AUTS2: variants seen among roughly 807,000 people sequenced by gnomAD.
AUTS2 encodes autism susceptibility gene 2 protein.
Under a neutral mutation model 112.4 loss-of-function variants are expected in AUTS2, and 17 were observed. That is an observed-to-expected ratio of 0.15 (90% CI 0.10 to 0.23). The LOEUF (loss-of-function observed/expected upper bound fraction) is 0.23. AUTS2 is among the 10% of genes least tolerant of loss of function. AUTS2 has a pLI of 1.00. For synonymous variants in AUTS2, 751 were observed against 702.7 expected, an observed-to-expected ratio of 1.07 and a Z score of -1.09; for missense variants, 1,510 against 1,701.6, an observed-to-expected ratio of 0.89 and a Z score of 1.98.
intron 4 of AUTS2, among the ~76,000 whole-genome samples, chr7:70,143,140 A>G (rs535778067): frequency 6.6e-6 from 1 of 152,314 alleles, no homozygotes; most frequent in South Asian, 2.1e-4. Flanking sequence ...TTTGAAAAAG[A>G]GGTTAAAAAA....
chr7:69,874,062 A>G (rs142992268), intron 1 of AUTS2, among the ~76,000 whole-genome samples: 24 of 152,288 alleles, frequency 1.6e-4, no homozygotes, highest in African/African-American at 5.8e-4. Flanking sequence ...GGGCTAGGGA[A>G]GAAGGTTATT....
intron 1 of AUTS2, among the ~76,000 whole-genome samples, chr7:69,693,140 G>C (rs1797418145): frequency 6.6e-6 from 1 of 152,208 alleles, no homozygotes; most frequent in South Asian, 2.1e-4. Context: ...TCATGAGTGA[G>C]TTACTTAACA....
At chr7:69,728,357 G>A (rs542203807) in intron 1 of AUTS2, among the ~76,000 whole-genome samples, 1 of 152,352 alleles carries the variant, frequency 6.6e-6, no homozygotes, top group South Asian at 2.1e-4. Context: ...ACTCTTAGTA[G>A]AGCGTGTAAA....
At chr7:70,214,661 G>A (rs1811082772) in intron 4 of AUTS2, among the ~76,000 whole-genome samples, 1 of 152,158 alleles carries the variant, frequency 6.6e-6, no homozygotes, top group African/African-American at 2.4e-5. Flanking sequence ...ATTATGTGTA[G>A]CGTGTCACTA....
At chr7:69,728,903 A>C (rs991654328) in intron 1 of AUTS2, among the ~76,000 whole-genome samples, 5 of 152,146 alleles carry the variant, frequency 3.3e-5, no homozygotes, top group African/African-American at 1.2e-4. Flanking sequence ...GGGATGTTAA[A>C]AAATTCAAAC....
In AUTS2 at chr7:69,895,359, T is replaced by A. The variant is rs559938877; in HGVS notation, c.310-3927T>A. Among the ~76,000 whole-genome samples, 255 of 152,322 alleles carry A rather than the reference T, an allele frequency of 1.7e-3. 1 individual carries two copies. Among genetic ancestry groups the A allele is most frequent in the African/African-American group, 5.4e-3 (224 of 41,584 alleles). ...AAGAGTGGTCTGGTTTATTCAGGAT[T>A]TGTACCAAAAAATCTATATAGTAAT... On this transcript the variant is annotated intron_variant, in intron 1 of 18. Transcript: ENST00000342771.
chr7:69,996,377 T>C (rs1798942822), intron 2 of AUTS2, among the ~76,000 whole-genome samples: 1 of 152,216 alleles, frequency 6.6e-6, no homozygotes, highest in Non-Finnish European at 1.5e-5. Context: ...GTGTTCTGCG[T>C]GGATTGCATC....
chr7:70,728,707 CAAA>C (rs55878540), intron 6 of AUTS2, among the ~76,000 whole-genome samples: 4 of 81,616 alleles, frequency 4.9e-5, no homozygotes. Context: ...GACTCTGTCT[CAAA>C]AAAAAAAAAA....
rs141384009 is a variant in AUTS2 at position 70,489,596 on chromosome 7, G to C, written c.690+53815G>C. 1.5e-4 allele frequency among the ~76,000 whole-genome samples: 23 copies of C among 152,326 alleles called. No homozygotes were observed. The East Asian group carries it at 4.4e-3, about 29-fold the overall frequency. On this transcript the variant is annotated intron_variant, in intron 5 of 18. Coordinates refer to ENST00000342771, the MANE Select transcript of AUTS2 (RefSeq NM_015570.4). ...TTTATACTTGGGTAACTCTAATTCA[G>C]TTACACAGACAGTAACAAAGCATTT...
At chr7:69,654,705 C>T (rs775270239) in intron 1 of AUTS2, among the ~76,000 whole-genome samples, 24 of 152,168 alleles carry the variant, frequency 1.6e-4, no homozygotes, top group Admixed American at 2.6e-4. Flanking sequence ...GGACTTGTGA[C>T]GGTTTTCCTG....
chr7:69,896,932 C>T (rs1295063579), intron 1 of AUTS2, among the ~76,000 whole-genome samples: 3 of 152,202 alleles, frequency 2.0e-5, no homozygotes, highest in Admixed American at 2.0e-4. Context: ...TTAGTTTTAG[C>T]ACCCATAACC....
intron 4 of AUTS2, among the ~76,000 whole-genome samples, chr7:70,427,800 G>C (rs1262531261): frequency 1.3e-5 from 2 of 152,236 alleles, no homozygotes; most frequent in African/African-American, 4.8e-5. Flanking sequence ...AGATCACATT[G>C]GTTATTTGAG....
chr7:69,840,997 A>G (rs1433855886), intron 1 of AUTS2, among the ~76,000 whole-genome samples: 2 of 152,220 alleles, frequency 1.3e-5, no homozygotes, highest in African/African-American at 4.8e-5. Context: ...TTACCAGCAA[A>G]GGGGAAAGTA....
Position 70,766,416 on chromosome 7 carries a change from CG to C in AUTS2, c.1689+86del. 6.6e-7 allele frequency: 1 copy of C among 1,525,196 alleles called. No homozygotes were observed. 94.5% of individuals were successfully genotyped at this position (1,525,196 alleles called of 1,614,324 possible). On this transcript the variant is annotated intron_variant, in intron 9 of 18. Transcript: ENST00000342771. This position sits in a 1 kb window ranked among gnomAD's most constrained non-coding sequence, Gnocchi z 4.8. ...CAGCACGTGGGACCGGGCTGGGCAGCGGGGCCACCAGAGATCGAATGGGGAC... is the reference window on the plus strand; with the variant it reads ...CAGCACGTGGGACCGGGCTGGGCAGCGGGCCACCAGAGATCGAATGGGGAC...
chr7:70,398,486 T>C (rs6965900), intron 4 of AUTS2, among the ~76,000 whole-genome samples: 11,654 of 152,174 alleles, frequency 0.077, 580 homozygotes, highest in East Asian at 0.14. Context: ...GTTTTTTATA[T>C]TTTTTGATGT....
At chr7:70,568,943 G>A (rs1801824014) in intron 5 of AUTS2, among the ~76,000 whole-genome samples, 1 of 152,220 alleles carries the variant, frequency 6.6e-6, no homozygotes, top group Non-Finnish European at 1.5e-5. Context: ...ACCTTGAAGA[G>A]TGACAAATGG....
At chr7:69,792,236 TTTTTTTGTTTTG>T (rs1789639511) in intron 1 of AUTS2, among the ~76,000 whole-genome samples, 1 of 151,190 alleles carries the variant, frequency 6.6e-6, no homozygotes, top group African/African-American at 2.4e-5. Context: ...GTTGTTGTTT[TTTTTTTGTTTTG>T]TTTTTTTTTA....
intron 5 of AUTS2, among the ~76,000 whole-genome samples, chr7:70,461,346 A>G (rs1447755620): frequency 6.6e-6 from 1 of 152,088 alleles, no homozygotes; most frequent in Non-Finnish European, 1.5e-5. Context: ...TTACCCTCCC[A>G]TTTAATCTTT....
intron 2 of AUTS2, among the ~76,000 whole-genome samples, chr7:70,018,392 T>C (rs372800740): frequency 3.3e-5 from 5 of 152,212 alleles, no homozygotes; most frequent in African/African-American, 1.2e-4. Flanking sequence ...TTATCAGGAC[T>C]GAAGGGTATA....
Sources: gnomAD v4.1 joint callset for allele counts (sites outside exome capture counted in the v4.1 genomes callset) on GRCh38, gnomAD v4.1.1 for gene constraint, Gnocchi (gnomAD v3.1) non-coding constraint, MANE v1.5 for transcripts, NCBI Gene and HGNC (gene_info 2026-07-23, HGNC 2026-07-21) for gene names.